Variants in CSGALNACT1 observed in about 807,000 individuals in gnomAD.
The protein encoded by CSGALNACT1 is chondroitin sulfate N-acetylgalactosaminyltransferase 1.
Under a neutral mutation model 51.0 loss-of-function variants are expected in CSGALNACT1, and 52 were observed. The ratio of observed to expected loss-of-function variants is 1.02; its 90% CI spans 0.82 to 1.29. CSGALNACT1 has a LOEUF of 1.29. Among genes scored for constraint, CSGALNACT1 ranks in the 50% most tolerant of loss-of-function variants. The probability of loss-of-function intolerance (pLI) is 0.00; values close to 1 mark genes in which losing one functional copy is unlikely to be tolerated. For missense variants in CSGALNACT1, 935 were observed against 679.2 expected (o/e 1.38, Z -4.19); for synonymous variants, 341 against 254.4 (o/e 1.34, Z -3.24).
intron 3 of CSGALNACT1, among the ~76,000 whole-genome samples, chr8:19,508,421 A>C (rs1397536952): frequency 6.6e-6 from 1 of 152,236 alleles, no homozygotes; most frequent in East Asian, 1.9e-4. Context: ...ATTTAGAACA[A>C]CACACAGTTA....
intron 6 of CSGALNACT1, among the ~76,000 whole-genome samples, chr8:19,424,500 G>GA (rs200331584): frequency 0.016 from 2,404 of 152,028 alleles, 54 homozygotes; most frequent in African/African-American, 0.055. Context: ...GAAAAACCAT[G>GA]AAAAAAAATC....
chr8:19,570,262 G>C (rs1024129685), intron 3 of CSGALNACT1, among the ~76,000 whole-genome samples: 1 of 152,108 alleles, frequency 6.6e-6, no homozygotes, highest in Non-Finnish European at 1.5e-5. Context: ...TGTTTCCCAA[G>C]GCTTAATATT....
At chr8:19,590,271 A>T (rs966652574) in intron 3 of CSGALNACT1, among the ~76,000 whole-genome samples, 1 of 152,230 alleles carries the variant, frequency 6.6e-6, no homozygotes, top group East Asian at 1.9e-4. Context: ...TGAGGCATCA[A>T]AGGGAATTCA....
chr8:19,469,439 G>A (rs969637541), intron 4 of CSGALNACT1, among the ~76,000 whole-genome samples: 2 of 152,038 alleles, frequency 1.3e-5, no homozygotes, highest in Non-Finnish European at 2.9e-5. Context: ...CTCTGGATGG[G>A]GCAAGGAGGA....
chr8:19,449,950 G>A (rs913653534), intron 5 of CSGALNACT1, among the ~76,000 whole-genome samples: 1 of 150,624 alleles, frequency 6.6e-6, no homozygotes, highest in African/African-American at 2.4e-5. Context: ...AAACAAAACA[G>A]ACAATGAAGT....
chr8:19,583,251 G>T (rs2045959432), intron 3 of CSGALNACT1, among the ~76,000 whole-genome samples: 1 of 152,048 alleles, frequency 6.6e-6, no homozygotes, highest in African/African-American at 2.4e-5. Context: ...CTACAACAAT[G>T]CTAGGTTTTA....
chr8:19,706,788 T>C (rs2062194686), intron 1 of CSGALNACT1, among the ~76,000 whole-genome samples: 1 of 152,108 alleles, frequency 6.6e-6, no homozygotes, highest in South Asian at 2.1e-4. Flanking sequence ...CATGCCTGGC[T>C]ACATTTTTTT....
At chr8:19,467,968 A>G (rs1392409118) in intron 4 of CSGALNACT1, among the ~76,000 whole-genome samples, 2 of 152,270 alleles carry the variant, frequency 1.3e-5, no homozygotes, top group Admixed American at 1.3e-4. Context: ...CCTCAGCAAC[A>G]GAGTGAAACC....
At chr8:19,691,382 A>G (rs1424770593) in intron 1 of CSGALNACT1, among the ~76,000 whole-genome samples, 1 of 152,344 alleles carries the variant, frequency 6.6e-6, no homozygotes, top group East Asian at 1.9e-4. Context: ...CATTTGGACC[A>G]AAAGGGAAAA....
intron 3 of CSGALNACT1, among the ~76,000 whole-genome samples, chr8:19,544,336 ATATC>A (rs1387389122): frequency 3.3e-5 from 5 of 152,246 alleles, no homozygotes; most frequent in Admixed American, 2.6e-4. Flanking sequence ...CTATTTAAAA[ATATC>A]TATGTAGTTT....
intron 1 of CSGALNACT1, among the ~76,000 whole-genome samples, chr8:19,701,411 C>A (rs186771076): frequency 7.9e-5 from 12 of 152,210 alleles, no homozygotes; most frequent in Non-Finnish European, 1.6e-4. Flanking sequence ...ACCTTGGCCT[C>A]CCCAAGTGCT....
At chr8:19,600,062 A>T (rs2050068018) in intron 2 of CSGALNACT1, among the ~76,000 whole-genome samples, 2 of 151,998 alleles carry the variant, frequency 1.3e-5, no homozygotes, top group Non-Finnish European at 2.9e-5. Flanking sequence ...TTCTTGGTCA[A>T]TTGCTGCTCA....
intron 8 of CSGALNACT1, among the ~76,000 whole-genome samples, chr8:19,409,486 CATAT>C (rs3839879): frequency 3.6e-4 from 53 of 147,844 alleles, no homozygotes; most frequent in African/African-American, 8.5e-4. Flanking sequence ...TGCATGTGTA[CATAT>C]ATATATATAT....
chr8:19,712,485 T>C (rs2062569949), intron 1 of CSGALNACT1, among the ~76,000 whole-genome samples: 1 of 152,172 alleles, frequency 6.6e-6, no homozygotes, highest in African/African-American at 2.4e-5. Context: ...TGCCTACCTC[T>C]AGCCACTGAG....
intron 6 of CSGALNACT1, among the ~76,000 whole-genome samples, chr8:19,422,292 C>A (rs1391201790): frequency 6.6e-6 from 1 of 152,136 alleles, no homozygotes; most frequent in Non-Finnish European, 1.5e-5. Flanking sequence ...TGGGCTCAAG[C>A]AATCCTCTTC....
chr8:19,582,564 T>A, intron 3 of CSGALNACT1, among the ~76,000 whole-genome samples: 1 of 152,106 alleles, frequency 6.6e-6, no homozygotes, highest in East Asian at 1.9e-4. Flanking sequence ...CAATCCACCC[T>A]GTCAAAGAGA....
intron 4 of CSGALNACT1, among the ~76,000 whole-genome samples, chr8:19,503,579 T>G (rs2076783898): frequency 1.3e-5 from 2 of 152,134 alleles, no homozygotes; most frequent in Non-Finnish European, 2.9e-5. Flanking sequence ...ATTTTTTTTT[T>G]TAATGATGTT....
chr8:19,500,869 A>G (rs1379427788), intron 4 of CSGALNACT1, among the ~76,000 whole-genome samples: 1 of 152,220 alleles, frequency 6.6e-6, no homozygotes, highest in Non-Finnish European at 1.5e-5. Flanking sequence ...CGGGAAGTCC[A>G]AGATCAAGGC....
At chr8:19,523,603 A>G (rs1162388183) in intron 3 of CSGALNACT1, among the ~76,000 whole-genome samples, 1 of 152,202 alleles carries the variant, frequency 6.6e-6, no homozygotes, top group Non-Finnish European at 1.5e-5. Context: ...GCTACATTGT[A>G]CTATTAAAAC....
Sources: gnomAD v4.1 joint callset for allele counts (sites outside exome capture counted in the v4.1 genomes callset) on GRCh38, gnomAD v4.1.1 for gene constraint, MANE v1.5 for transcripts, NCBI Gene and HGNC (gene_info 2026-07-23, HGNC 2026-07-21) for gene names.